The following PTCHD4 variants were observed in gnomAD, a reference collection of about 807,000 sequenced individuals.
PTCHD4 encodes patched domain-containing protein 4.
A neutral mutation model predicts 58.1 loss-of-function variants in PTCHD4; 33 were observed. The ratio of observed to expected loss-of-function variants is 0.57; its 90% CI spans 0.43 to 0.76. The LOEUF (loss-of-function observed/expected upper bound fraction) is 0.76, where lower values mean the gene tolerates loss of function less well. Ranked by LOEUF, PTCHD4 falls within the 30% of genes least tolerant of loss-of-function variation. The pLI is 0.00. For synonymous variants in PTCHD4, 478 were observed against 409.6 expected (o/e 1.17, Z -2.02); for missense variants, 1,058 against 1,027.1 (o/e 1.03, Z -0.41).
At chr6:48,064,441 A>G (rs548477758) in intron 3 of PTCHD4, among the ~76,000 whole-genome samples, 16 of 152,256 alleles carry the variant, frequency 1.1e-4, no homozygotes, top group Non-Finnish European at 1.9e-4. Flanking sequence ...CTGAAGGCCT[A>G]TCTCACTTTA....
intron 3 of PTCHD4, among the ~76,000 whole-genome samples, chr6:48,013,980 T>C (rs1298595790): frequency 6.6e-6 from 1 of 152,262 alleles, no homozygotes; most frequent in East Asian, 1.9e-4. Context: ...CAGATCTTCA[T>C]TGAGTTTGGC....
chr6:47,900,647 T>C (rs1561946722), intron 4 of PTCHD4: 1 of 152,242 alleles, frequency 6.6e-6, no homozygotes, highest in African/African-American at 2.4e-5. Flanking sequence ...ATATTAGCTT[T>C]GGGTTTTTAT....
rs1763353914 is a variant in PTCHD4 at position 47,858,677 on chromosome 6, A to G, written c.*19626T>C. On this transcript the variant is annotated 3_prime_UTR_variant, in exon 5 of 5. Transcript: ENST00000339488. ...AAATCTGAACACAAGTAACAAGGCT[A>G]CACTGCACTAGCCATCTGAGTCAGA... Among the ~76,000 whole-genome samples, 2 of 152,036 alleles carry G rather than the reference A, an allele frequency of 1.3e-5. No individual in the cohort carries two copies.
At chr6:47,893,430 C>T (rs1245019500) in intron 4 of PTCHD4, among the ~76,000 whole-genome samples, 1 of 152,146 alleles carries the variant, frequency 6.6e-6, no homozygotes, top group Non-Finnish European at 1.5e-5. Context: ...GCATTTTGGT[C>T]CCAGTTCTGG....
chr6:47,899,036 C>T (rs1764615715), intron 4 of PTCHD4, among the ~76,000 whole-genome samples: 1 of 152,146 alleles, frequency 6.6e-6, no homozygotes, highest in Non-Finnish European at 1.5e-5. Context: ...CTAGAAGTAT[C>T]CATAAGTGGA....
chr6:48,035,318 C>T (rs1174971368), intron 3 of PTCHD4, among the ~76,000 whole-genome samples: 1 of 152,024 alleles, frequency 6.6e-6, no homozygotes, highest in Non-Finnish European at 1.5e-5. Flanking sequence ...AATCAATCTT[C>T]CAGAAGATTC....
rs561414301 is a variant in PTCHD4 at position 48,035,063 on chromosome 6, C to T, written c.418-25949G>A. Among the ~76,000 whole-genome samples the T allele has an allele frequency of 2.6e-5, 4 of 152,196 alleles. No individual in the cohort carries two copies. The East Asian group carries it at 7.7e-4, about 29-fold the overall frequency. ...TGTATACCAAAATGTATATCAAATGCAAAATGCTTTTTCTTTACTTTTGCG... is the reference window on the plus strand; with the variant it reads ...TGTATACCAAAATGTATATCAAATGTAAAATGCTTTTTCTTTACTTTTGCG... On this transcript the variant is annotated intron_variant, in intron 3 of 4. Coordinates refer to ENST00000339488, the MANE Select transcript of PTCHD4 (RefSeq NM_001384253.1).
chr6:48,106,017 T>A (rs542247880), intron 1 of PTCHD4, among the ~76,000 whole-genome samples: 3 of 151,994 alleles, frequency 2.0e-5, no homozygotes, highest in Non-Finnish European at 4.4e-5. Context: ...AATTCTACCA[T>A]AGGTAGAAGG....
At chr6:47,901,181 T>A (rs995280862) in intron 4 of PTCHD4, 45 of 149,960 alleles carry the variant, frequency 3.0e-4, no homozygotes, top group Non-Finnish European at 5.0e-4. Context: ...AATAATAAAA[T>A]AAAATAAAAA....
At chr6:48,103,320 G>A (rs1582141767) in intron 1 of PTCHD4, among the ~76,000 whole-genome samples, 1 of 152,216 alleles carries the variant, frequency 6.6e-6, no homozygotes, top group East Asian at 1.9e-4. Flanking sequence ...TGCAGCTACT[G>A]CTGCTGATAC....
intron 1 of PTCHD4, among the ~76,000 whole-genome samples, chr6:48,092,033 T>G (rs1294258405): frequency 6.6e-6 from 1 of 151,460 alleles, no homozygotes; most frequent in Non-Finnish European, 1.5e-5. Context: ...ACACACACAA[T>G]AAAGACCTAG....
chr6:47,888,394 G>A (rs1454243477), intron 4 of PTCHD4, among the ~76,000 whole-genome samples: 1 of 152,060 alleles, frequency 6.6e-6, no homozygotes, highest in Non-Finnish European at 1.5e-5. Context: ...GCAGAATATT[G>A]CAAAGAAAAG....
intron 4 of PTCHD4, among the ~76,000 whole-genome samples, chr6:47,927,210 A>G (rs1473093102): frequency 1.3e-5 from 2 of 150,970 alleles, no homozygotes; most frequent in Non-Finnish European, 3.0e-5. Flanking sequence ...CCTACCTCAT[A>G]CTTGCTCTAT....
chr6:47,888,828 C>T (rs1294676411), intron 4 of PTCHD4, among the ~76,000 whole-genome samples: 1 of 127,862 alleles, frequency 7.8e-6, no homozygotes, highest in African/African-American at 3.0e-5. Context: ...CCACAACAGT[C>T]CCCAGAGTGT....
intron 1 of PTCHD4, among the ~76,000 whole-genome samples, chr6:48,086,835 A>AT (rs1430842343): frequency 1.3e-5 from 2 of 152,150 alleles, no homozygotes; most frequent in Non-Finnish European, 2.9e-5. Flanking sequence ...GTTGCTATGT[A>AT]TTTTTTAATC....
intron 4 of PTCHD4, among the ~76,000 whole-genome samples, chr6:47,957,754 C>T (rs1175003138): frequency 6.6e-6 from 1 of 151,678 alleles, no homozygotes; most frequent in Admixed American, 6.6e-5. Context: ...GTGCCCACCA[C>T]CATGCCCGGC....
intron 4 of PTCHD4, among the ~76,000 whole-genome samples, chr6:47,932,254 G>A (rs1765848332): frequency 1.3e-5 from 2 of 152,154 alleles, no homozygotes; most frequent in Admixed American, 6.5e-5. Context: ...TCTAATAGTT[G>A]TGACCTCAGG....
chr6:47,902,836 G>A (rs991976322), intron 4 of PTCHD4, among the ~76,000 whole-genome samples: 3 of 152,080 alleles, frequency 2.0e-5, no homozygotes, highest in Non-Finnish European at 2.9e-5. Flanking sequence ...TTGTTACAAA[G>A]TGTAAACATA....
intron 4 of PTCHD4, among the ~76,000 whole-genome samples, chr6:47,997,044 A>G (rs1166894628): frequency 6.6e-6 from 1 of 152,204 alleles, no homozygotes; most frequent in African/African-American, 2.4e-5. Flanking sequence ...ACTCTTGATC[A>G]TGGCAGGGTA....
Sources: allele counts gnomAD v4.1 joint callset (sites outside exome capture counted in the v4.1 genomes callset), GRCh38; gene constraint gnomAD v4.1.1; transcripts MANE v1.5; gene names NCBI Gene and HGNC (gene_info 2026-07-23, HGNC 2026-07-21).